Variants in RALGDS observed in about 807,000 individuals in gnomAD.
The protein encoded by RALGDS is ral guanine nucleotide dissociation stimulator.
Under a neutral mutation model 99.8 loss-of-function variants are expected in RALGDS, and 44 were observed. The ratio of observed to expected loss-of-function variants is 0.44; its 90% confidence interval spans 0.35 to 0.57. The LOEUF is 0.57. Ranked by LOEUF, RALGDS falls within the 20% of genes least tolerant of loss-of-function variation. RALGDS has a pLI of 0.01. For missense variants in RALGDS, 1,022 were observed against 1,203.1 expected, an observed-to-expected ratio of 0.85 and a Z score of 2.23; for synonymous variants, 529 against 505.0, an observed-to-expected ratio of 1.05 and a Z score of -0.64.
intron 1 of RALGDS, among the ~76,000 whole-genome samples, chr9:133,120,673 A>C (rs1053215373): frequency 1.3e-5 from 2 of 152,182 alleles, no homozygotes; most frequent in Non-Finnish European, 2.9e-5. Context: ...AGTGCCGCAG[A>C]AAAAGGTCCA....
At chr9:133,131,365 C>T (rs925443883), upstream of RALGDS, among the ~76,000 whole-genome samples, 10 of 152,118 alleles carry the variant, frequency 6.6e-5, no homozygotes, top group African/African-American at 2.4e-4. Context: ...CCTCCCTGTA[C>T]TCACCCTGTG....
At chr9:133,125,549 C>T (rs999257322), upstream of RALGDS, among the ~76,000 whole-genome samples, 9 of 152,096 alleles carry the variant, frequency 5.9e-5, no homozygotes, top group African/African-American at 1.4e-4. Context: ...GCCTGGCCAA[C>T]GTGGTAAAAC....
intron 1 of RALGDS, among the ~76,000 whole-genome samples, chr9:133,116,152 C>T (rs1004724079): frequency 1.3e-5 from 2 of 152,240 alleles, no homozygotes; most frequent in Non-Finnish European, 2.9e-5. Flanking sequence ...GTCCGTGACC[C>T]TCCTGCCCTC....
At chr9:133,140,106 T>G (rs1588571997) in intron 1 of RALGDS, among the ~76,000 whole-genome samples, 1 of 131,034 alleles carries the variant, frequency 7.6e-6, no homozygotes, top group Admixed American at 8.2e-5. Flanking sequence ...GCTGCAGCTA[T>G]AGCCCAGCAG....
At chr9:133,101,352 G>T in intron 16 of RALGDS, 168 bp downstream of exon 16, 2 of 1,509,164 alleles carry the variant, frequency 1.3e-6, no homozygotes, top group Non-Finnish European at 1.8e-6. Context: ...CTGCCCTCAG[G>T]CCAGCCTTGT....
At chr9:133,119,035 G>C (rs933910976) in intron 1 of RALGDS, among the ~76,000 whole-genome samples, 1 of 152,248 alleles carries the variant, frequency 6.6e-6, no homozygotes, top group African/African-American at 2.4e-5. Context: ...CAGAAAGCAA[G>C]AACTGTGCAG....
chr9:133,147,588 G>C (rs1395237825), intron 1 of RALGDS, among the ~76,000 whole-genome samples: 2 of 152,176 alleles, frequency 1.3e-5, no homozygotes, highest in Non-Finnish European at 2.9e-5. Context: ...TAGTAATGGG[G>C]GGTGTGCATT....
At chr9:133,104,898 C>T (rs1830942096) in intron 9 of RALGDS, among the ~76,000 whole-genome samples, 1 of 152,182 alleles carries the variant, frequency 6.6e-6, no homozygotes, top group Admixed American at 6.5e-5. Flanking sequence ...TCCTTTCTCC[C>T]TTGAACCTTC....
At chr9:133,116,585 AG>A (rs1268576344) in intron 1 of RALGDS, among the ~76,000 whole-genome samples, 1 of 152,136 alleles carries the variant, frequency 6.6e-6, no homozygotes, top group Non-Finnish European at 1.5e-5. Flanking sequence ...CAGGCCCGGG[AG>A]GGGCGTGGCT....
chr9:133,104,167 A>T (rs1309485359), intron 10 of RALGDS, 96 bp downstream of exon 10: 10 of 1,312,716 alleles, frequency 7.6e-6, no homozygotes, highest in Non-Finnish European at 9.8e-6. Flanking sequence ...GGCTACCTCT[A>T]ATGGGGCCCA....
At chr9:133,117,308 G>A (rs1050105925) in intron 1 of RALGDS, among the ~76,000 whole-genome samples, 4 of 152,220 alleles carry the variant, frequency 2.6e-5, no homozygotes, top group Admixed American at 2.0e-4. Context: ...AGGCTCAGGA[G>A]CACGTCTACA....
chr9:133,135,804 A>G (rs1364949919), upstream of RALGDS, among the ~76,000 whole-genome samples: 1 of 152,250 alleles, frequency 6.6e-6, no homozygotes, highest in Non-Finnish European at 1.5e-5. Flanking sequence ...CACTCAAGAT[A>G]GGGCCTGGCA....
chr9:133,149,094 G>GGGGA, exon 1 of RALGDS: 1 of 672,696 alleles, frequency 1.5e-6, no homozygotes, highest in Non-Finnish European at 1.9e-6. Context: ...GGCTCATGGC[G>GGGGA]CGGCCTCCGG....
chr9:133,138,263 A>T (rs1832458042), intron 1 of RALGDS, among the ~76,000 whole-genome samples: 1 of 151,346 alleles, frequency 6.6e-6, no homozygotes. Context: ...ATCCCTTGGG[A>T]CTCTAGGGCC....
In RALGDS at chr9:133,106,707, G is replaced by T; in HGVS notation, c.1455C>A (p.Ile485=). The change falls in exon 8 of 18, where the codon ATC becomes ATA. Residue 485 remains isoleucine, a synonymous_variant. Coordinates refer to ENST00000372050, the MANE Select transcript of RALGDS (RefSeq NM_006266.4). ...ILKNFSSLYA[I]LSALQSNSIH... ...TGGAGTTGCTCTGCAGGGCAGAGAG[G>T]ATGGCATACAGTGACGAGAAGTTCT... 6.2e-7 allele frequency: 1 copy of T among 1,612,930 alleles called. No homozygotes were observed. Among genetic ancestry groups the T allele is most frequent in the Non-Finnish European group, 8.5e-7 (1 of 1,179,586 alleles).
In RALGDS at chr9:133,121,218, C is replaced by G. The variant is rs1219078092; in HGVS notation, c.-64G>C. On this transcript the variant is annotated 5_prime_UTR_variant, in exon 1 of 18. Transcript: ENST00000372050. ...GCGGCGGGGGCGGCGGCGCGGCCCG[C>G]GCGGCTGGGCTTTGCCACCGCTGTG... 4.1e-6 allele frequency: 4 copies of G among 974,460 alleles called. No individual in the cohort carries two copies. The highest frequency in any genetic ancestry group is 4.9e-6 in the Non-Finnish European group (4 of 821,742). The allele number at this position is 974,460 out of a possible 1,614,324, so 60.4% of individuals were successfully genotyped here. A position where few individuals can be genotyped will look rare whatever the true frequency, so the allele number is the denominator to read the frequency against.
upstream of RALGDS, among the ~76,000 whole-genome samples, chr9:133,124,943 A>G (rs1293246487): frequency 3.3e-4 from 50 of 152,256 alleles, no homozygotes; most frequent in Non-Finnish European, 7.3e-5. Flanking sequence ...GGGGACAGAG[A>G]AACATGTTCA....
chr9:133,120,070 C>T lies in RALGDS; in HGVS notation c.183+902G>A, dbSNP rs920354079. On this transcript the variant is annotated intron_variant, in intron 1 of 17. Coordinates refer to ENST00000372050, the MANE Select transcript of RALGDS (RefSeq NM_006266.4). ...CCTGAGCCCCCGATCCAGGAATGGC[C>T]TCTGTGCAGGCCCTGTGCCCAGGCA... 6.6e-5 allele frequency among the ~76,000 whole-genome samples: 10 copies of T among 152,218 alleles called. No homozygotes were observed. In the South Asian group the frequency reaches 1.9e-3, roughly 28 times the overall value.
Position 133,108,161 on chromosome 9 carries a change from C to A in RALGDS, c.1024G>T (p.Asp342Tyr). Reference protein sequence around the residue: ...ALELEPAPEQDPAPSQTLELE... With the variant: ...ALELEPAPEQYPAPSQTLELE... ...TCTAGAGTTTGTGAGGGAGCTGGAT[C>A]CTGTTCTGGAGCTGGCTCTAGTTCC... Residue 342 changes from aspartate (D) to tyrosine (Y), a missense_variant, in exon 6 of 18, where the codon GAT becomes TAT. Asp to Tyr is a radical substitution (Grantham distance 160). Around this residue, in one of 3 missense-constraint regions of RALGDS, gnomAD observed 825 missense variants for 994.5 expected, o/e 0.83. Coordinates refer to ENST00000372050, the MANE Select transcript of RALGDS (RefSeq NM_006266.4). 5.0e-6 allele frequency: 8 copies of A among 1,613,420 alleles called. No individual in the cohort carries two copies. Among genetic ancestry groups the A allele is most frequent in the Non-Finnish European group, 6.8e-6 (8 of 1,179,930 alleles).
Sources: allele counts gnomAD v4.1 joint callset (sites outside exome capture counted in the v4.1 genomes callset), GRCh38; gene constraint gnomAD v4.1.1; regional missense constraint gnomAD v4.1.1; transcripts MANE v1.5; gene names NCBI Gene and HGNC (gene_info 2026-07-23, HGNC 2026-07-21).